The following PSMA8 variants were observed in gnomAD, a reference collection of about 807,000 sequenced individuals.
PSMA8 encodes proteasome 20S subunit alpha 8, also known as proteasome subunit alpha-type 8.
A neutral mutation model predicts 32.4 loss-of-function variants in PSMA8; 18 were observed. The observed-to-expected ratio is 0.56, with a 90% CI of 0.38 to 0.82. PSMA8 has a LOEUF of 0.82. PSMA8 is among the 40% of genes least tolerant of loss of function. The pLI is 0.00. For synonymous variants in PSMA8, 104 were observed against 98.1 expected (o/e 1.06, Z -0.36); for missense variants, 298 against 300.7 (o/e 0.99, Z 0.07).
At position 26,190,336 on chromosome 18, in the gene PSMA8, A is replaced by T. The variant is rs147868851; in HGVS notation, c.661-1983A>T. On this transcript the variant is annotated intron_variant, in intron 6 of 6. Transcript: ENST00000415576. ...AAAGGATAAATGCTTGAGGGGATGG[A>T]TACCCCATTCTCCATGATGTGGTTA... is the stretch of plus-strand genomic sequence containing the variant. 2.4e-3 allele frequency among the ~76,000 whole-genome samples: 367 copies of T among 152,336 alleles called. 3 individuals carry two copies. The highest frequency in any genetic ancestry group is 8.2e-3 in the African/African-American group (339 of 41,566).
intron 3 of PSMA8, among the ~76,000 whole-genome samples, chr18:26,152,489 A>C (rs898361912): frequency 1.3e-5 from 2 of 151,880 alleles, no homozygotes; most frequent in African/African-American, 2.4e-5. Flanking sequence ...CATGCCCAGC[A>C]AATTTTTGTA....
intron 3 of PSMA8, among the ~76,000 whole-genome samples, chr18:26,153,961 G>A (rs1286925965): frequency 6.6e-6 from 1 of 151,974 alleles, no homozygotes; most frequent in Non-Finnish European, 1.5e-5. Context: ...GAGTGCAGTG[G>A]CCTGATCTCA....
intron 6 of PSMA8, among the ~76,000 whole-genome samples, chr18:26,187,950 A>AT (rs1320281058): frequency 6.6e-6 from 1 of 152,252 alleles, no homozygotes; most frequent in Admixed American, 6.5e-5. Flanking sequence ...ATAGATATTT[A>AT]CAGAACATTT....
At chr18:26,190,475 G>A (rs902120230) in intron 6 of PSMA8, among the ~76,000 whole-genome samples, 47 of 152,290 alleles carry the variant, frequency 3.1e-4, no homozygotes, top group Non-Finnish European at 5.7e-4. Flanking sequence ...GAGGCTGGGC[G>A]CAGTGGCTCA....
At chr18:26,189,767 A>G (rs184376243) in intron 6 of PSMA8, among the ~76,000 whole-genome samples, 200 of 152,342 alleles carry the variant, frequency 1.3e-3, no homozygotes, top group South Asian at 4.4e-3. Context: ...ATAAAAGTAC[A>G]TATGGTCCAG....
intron 4 of PSMA8, among the ~76,000 whole-genome samples, chr18:26,178,012 G>A (rs1201399030): frequency 6.6e-6 from 1 of 152,206 alleles, no homozygotes; most frequent in East Asian, 1.9e-4. Flanking sequence ...CCAGGAGTTC[G>A]AGACCCACCT....
At chr18:26,156,950 C>A (rs557645500) in intron 3 of PSMA8, among the ~76,000 whole-genome samples, 3 of 150,882 alleles carry the variant, frequency 2.0e-5, no homozygotes, top group East Asian at 1.9e-4. Context: ...CCATGCCTGG[C>A]TAATTTTTTA....
chr18:26,172,579 GAA>G (rs2055231541), intron 4 of PSMA8, among the ~76,000 whole-genome samples: 2 of 152,118 alleles, frequency 1.3e-5, no homozygotes, highest in African/African-American at 4.8e-5. Flanking sequence ...GCTGCATATG[GAA>G]GTAATTGGTC....
chr18:26,188,750 C>A (rs759354257), intron 6 of PSMA8, among the ~76,000 whole-genome samples: 27 of 152,054 alleles, frequency 1.8e-4, no homozygotes, highest in Non-Finnish European at 4.4e-5. Flanking sequence ...GAAAAAGTTT[C>A]TTCAATAAAG....
At chr18:26,167,551 G>A (rs965588060) in intron 4 of PSMA8, among the ~76,000 whole-genome samples, 2 of 152,310 alleles carry the variant, frequency 1.3e-5, no homozygotes, top group East Asian at 3.9e-4. Flanking sequence ...AATAGGGCCT[G>A]TAGGGAGATA....
intron 4 of PSMA8, among the ~76,000 whole-genome samples, chr18:26,178,095 A>C (rs112370407): frequency 4.6e-4 from 70 of 152,134 alleles, no homozygotes; most frequent in African/African-American, 1.6e-3. Flanking sequence ...CCACGTACCA[A>C]TAGTCCCAGC....
intron 4 of PSMA8, among the ~76,000 whole-genome samples, chr18:26,165,208 C>T (rs2055168197): frequency 4.0e-5 from 6 of 151,834 alleles, no homozygotes; most frequent in Admixed American, 6.6e-5. Flanking sequence ...CACACCTGGC[C>T]GAGAACAACT....
intron 4 of PSMA8, among the ~76,000 whole-genome samples, chr18:26,174,362 C>T (rs965912718): frequency 3.9e-5 from 6 of 152,202 alleles, no homozygotes; most frequent in Admixed American, 3.9e-4. Context: ...CTTTCACTTA[C>T]AATATAGCTT....
At chr18:26,186,272 A>C (rs1025011938) in intron 6 of PSMA8, among the ~76,000 whole-genome samples, 1 of 147,700 alleles carries the variant, frequency 6.8e-6, no homozygotes, top group East Asian at 1.9e-4. Context: ...AAAAAAAAAA[A>C]AAAAACGCAA....
At chr18:26,138,483 G>T (rs1278295244) in intron 1 of PSMA8, among the ~76,000 whole-genome samples, 1 of 152,178 alleles carries the variant, frequency 6.6e-6, no homozygotes, top group Non-Finnish European at 1.5e-5. Context: ...AAAGTCCCTA[G>T]ATCCTTTTGT....
intron 3 of PSMA8, among the ~76,000 whole-genome samples, 196 bp downstream of exon 3, chr18:26,152,178 G>A (rs1392221053): frequency 6.6e-6 from 1 of 151,980 alleles, no homozygotes; most frequent in Non-Finnish European, 1.5e-5. Flanking sequence ...ATCTGGATCA[G>A]TATTAATTCT....
At position 26,171,338 on chromosome 18, in the gene PSMA8, C is replaced by T. The variant is rs998444747; in HGVS notation, c.478-7492C>T. The T allele has an allele frequency of 1.4e-4, 202 of 1,444,256 alleles. 18 individuals are homozygous for T. The highest frequency in any genetic ancestry group is 7.4e-4 in the Middle Eastern group (4 of 5,430). 89.5% of individuals were successfully genotyped at this position (1,444,256 alleles called of 1,614,324 possible). On this transcript the variant is annotated intron_variant, in intron 4 of 6. Transcript: ENST00000415576. Reference sequence around the variant, plus strand: ...CGCTCGTTACAGCAGAACGCGCGGTCAAGTTTGGCGCGAAATTGTCGGTAT... The same window carrying T: ...CGCTCGTTACAGCAGAACGCGCGGTTAAGTTTGGCGCGAAATTGTCGGTAT...
At chr18:26,172,858 A>T (rs962694532) in intron 4 of PSMA8, among the ~76,000 whole-genome samples, 7 of 152,254 alleles carry the variant, frequency 4.6e-5, no homozygotes, top group Admixed American at 3.9e-4. Flanking sequence ...ATAGCTAAGA[A>T]ACCCTGAACT....
intron 4 of PSMA8, among the ~76,000 whole-genome samples, chr18:26,172,560 C>T (rs1382101204): frequency 6.6e-6 from 1 of 152,026 alleles, no homozygotes. Context: ...TTCCTGAGCA[C>T]AGGGTTAAGC....
Sources: allele counts gnomAD v4.1 joint callset (sites outside exome capture counted in the v4.1 genomes callset), GRCh38; gene constraint gnomAD v4.1.1; transcripts MANE v1.5; gene names NCBI Gene and HGNC (gene_info 2026-07-23, HGNC 2026-07-21).